Variants in SPI1 observed in about 807,000 individuals in gnomAD.
SPI1 encodes the protein transcription factor PU.1.
Under a neutral mutation model 30.7 loss-of-function variants are expected in SPI1, and 3 were observed. That is an observed-to-expected ratio of 0.10 (90% CI 0.04 to 0.25). SPI1 has a LOEUF of 0.25. Among genes scored for constraint, SPI1 ranks in the 10% least tolerant of loss-of-function variants. The pLI, the probability that SPI1 is intolerant of heterozygous loss-of-function variation, is 1.00. For missense variants in SPI1, 261 were observed against 371.5 expected (o/e 0.70, Z 2.45); for synonymous variants, 169 against 157.1 (o/e 1.08, Z -0.56).
At chr11:47,368,591 T>G (rs2095931639) in intron 2 of SPI1, among the ~76,000 whole-genome samples, 1 of 152,054 alleles carries the variant, frequency 6.6e-6, no homozygotes. Flanking sequence ...ACCTTAAAGA[T>G]GAAGGAAATG....
At position 47,357,040 on chromosome 11, in the gene SPI1, CTT is replaced by C. The variant is rs537514339; in HGVS notation, c.494-1496_494-1495del. 6.5e-4 allele frequency among the ~76,000 whole-genome samples: 98 copies of C among 151,746 alleles called. No homozygotes were observed. In the Middle Eastern group the frequency reaches 0.024, roughly 37 times the overall value. ...CACCTCACACCAAGTCTCACACACA[CTT>C]ATGCTTACAAACTCATGCTCACACA... On this transcript the variant is annotated intron_variant, in intron 4 of 4. Coordinates refer to ENST00000378538, the MANE Select transcript of SPI1 (RefSeq NM_003120.3).
Position 47,375,524 on chromosome 11 carries a change from T to A in SPI1, c.142+109A>T. On this transcript the variant is annotated intron_variant, in intron 2 of 4. Coordinates refer to ENST00000378538, the MANE Select transcript of SPI1 (RefSeq NM_003120.3). This position sits in a 1 kb window ranked among gnomAD's most constrained non-coding sequence, Gnocchi z 4.2. ...CCTTTGAGAGCAAACTTGATCTGATTCTCAGAATTCCAAAGAAGTCCTGGG... is the reference window on the plus strand; with the variant it reads ...CCTTTGAGAGCAAACTTGATCTGATACTCAGAATTCCAAAGAAGTCCTGGG... 1 of 894,534 alleles carries A rather than the reference T, an allele frequency of 1.1e-6. No individual in the cohort carries two copies. Among genetic ancestry groups the A allele is most frequent in the South Asian group, 1.4e-5 (1 of 69,482 alleles). 55.4% of individuals were successfully genotyped at this position (894,534 alleles called of 1,614,324 possible).
chr11:47,355,807 A>G (rs1268636667), intron 4 of SPI1, among the ~76,000 whole-genome samples: 1 of 145,148 alleles, frequency 6.9e-6, no homozygotes, highest in African/African-American at 2.6e-5. Flanking sequence ...GCACCCACAC[A>G]GTGCACCAAG....
chr11:47,354,968 C>G lies in SPI1; in HGVS notation c.*259G>C. The G allele has an allele frequency of 3.1e-6, 1 of 323,630 alleles. No individual in the cohort carries two copies. Among genetic ancestry groups the G allele is most frequent in the Non-Finnish European group, 5.6e-6 (1 of 178,436 alleles). 20.0% of individuals were successfully genotyped at this position (323,630 alleles called of 1,614,324 possible). On this transcript the variant is annotated 3_prime_UTR_variant, in exon 5 of 5. Transcript: ENST00000378538. Reference sequence around the variant, plus strand: ...ACTTGAGACTCCCAAGGCAGTACCCCGGGTCGTCCTCTGCAAGGTTGCCCC... The same window carrying G: ...ACTTGAGACTCCCAAGGCAGTACCCGGGGTCGTCCTCTGCAAGGTTGCCCC...
At position 47,354,870 on chromosome 11, in the gene SPI1, A is replaced by C; in HGVS notation, c.*357T>G. The C allele has an allele frequency of 5.0e-6, 1 of 198,692 alleles. No individual in the cohort carries two copies. Among genetic ancestry groups the C allele is most frequent in the Non-Finnish European group, 1.0e-5 (1 of 97,922 alleles). The allele number at this position is 198,692 out of a possible 1,614,324, so 12.3% of individuals were successfully genotyped here. A position where few individuals can be genotyped will look rare whatever the true frequency, so the allele number is the denominator to read the frequency against. Reference sequence around the variant, plus strand: ...TGTGCTGCAAGAGGATGGATTGAGAATAACTTTACTTGTTTTTTGGGAGGA... The same window carrying C: ...TGTGCTGCAAGAGGATGGATTGAGACTAACTTTACTTGTTTTTTGGGAGGA... On this transcript the variant is annotated 3_prime_UTR_variant, in exon 5 of 5. Transcript: ENST00000378538.
chr11:47,364,285 C>T (rs1309449161), intron 2 of SPI1, among the ~76,000 whole-genome samples: 3 of 151,970 alleles, frequency 2.0e-5, no homozygotes, highest in South Asian at 2.1e-4. Context: ...CTCCTGACCT[C>T]GTGATCCACC....
intron 2 of SPI1, among the ~76,000 whole-genome samples, chr11:47,367,107 C>CTA (rs2095929388): frequency 6.6e-6 from 1 of 151,860 alleles, no homozygotes; most frequent in Admixed American, 6.6e-5. Context: ...GGAAAGGTGG[C>CTA]TAAGTGGATG....
rs977404572 is a variant in SPI1 at position 47,375,506 on chromosome 11, G to A, written c.142+127C>T. ...TGATGCTGCAGTTCACTGCCTTTGAGAGCAAACTTGATCTGATTCTCAGAA... is the reference window on the plus strand; with the variant it reads ...TGATGCTGCAGTTCACTGCCTTTGAAAGCAAACTTGATCTGATTCTCAGAA... On this transcript the variant is annotated intron_variant, in intron 2 of 4. Coordinates refer to ENST00000378538, the MANE Select transcript of SPI1 (RefSeq NM_003120.3). This position sits in a 1 kb window ranked among gnomAD's most constrained non-coding sequence, Gnocchi z 4.2. The A allele has an allele frequency of 1.3e-6, 1 of 773,468 alleles. No individual in the cohort carries two copies. Among genetic ancestry groups the A allele is most frequent in the African/African-American group, 1.7e-5 (1 of 58,276 alleles). The allele number at this position is 773,468 out of a possible 1,614,324, so 47.9% of individuals were successfully genotyped here. A position where few individuals can be genotyped will look rare whatever the true frequency, so the allele number is the denominator to read the frequency against.
chr11:47,366,682 G>A (rs548471247), intron 2 of SPI1, among the ~76,000 whole-genome samples: 54 of 152,262 alleles, frequency 3.5e-4, no homozygotes, highest in African/African-American at 1.2e-3. Context: ...TTAGCTGGGC[G>A]TGGTGGCAGG....
Position 47,358,948 on chromosome 11 carries a change from C to T in SPI1, c.389G>A (p.Ser130Asn), listed in dbSNP as rs373741612. Residue 130 changes from serine (S) to asparagine (N), a missense_variant, in exon 4 of 5, where the codon AGC becomes AAC. Ser to Asn is a conservative substitution (Grantham distance 46). Coordinates refer to ENST00000378538, the MANE Select transcript of SPI1 (RefSeq NM_003120.3). ...QYPSLSPAQP[S>N]SDEEEGERQS... Reference sequence around the variant, plus strand: ...CCGCTCGCCCTCCTCCTCATCTGAGCTGGGCTGGGCTGGGGACAGGGATGG... The same window carrying T: ...CCGCTCGCCCTCCTCCTCATCTGAGTTGGGCTGGGCTGGGGACAGGGATGG... The T allele has an allele frequency of 7.1e-6, 11 of 1,559,012 alleles. No individual in the cohort carries two copies. Among genetic ancestry groups the T allele is most frequent in the Non-Finnish European group, 1.7e-6 (2 of 1,152,580 alleles).
At chr11:47,370,925 T>C (rs1265883654) in intron 2 of SPI1, among the ~76,000 whole-genome samples, 1 of 152,138 alleles carries the variant, frequency 6.6e-6, no homozygotes, top group East Asian at 1.9e-4. Flanking sequence ...GAATTCTGAT[T>C]GTACAAGTAA....
At chr11:47,377,709 C>T (rs1545520) in intron 1 of SPI1, among the ~76,000 whole-genome samples, 68 of 152,202 alleles carry the variant, frequency 4.5e-4, no homozygotes, top group Non-Finnish European at 7.9e-4. Flanking sequence ...ACTGCACTGT[C>T]TCAGCTCCAC....
At chr11:47,356,242 C>A (rs146732906) in intron 4 of SPI1, among the ~76,000 whole-genome samples, 11 of 151,012 alleles carry the variant, frequency 7.3e-5, no homozygotes, top group African/African-American at 2.4e-4. Context: ...CACTAACATG[C>A]CCCCACACAC....
chr11:47,358,528 A>G, intron 4 of SPI1: 1 of 680,174 alleles, frequency 1.5e-6, no homozygotes, highest in South Asian at 1.5e-5. Context: ...ACTCGCACAC[A>G]TGCACCTGCC....
chr11:47,358,270 T>A, intron 4 of SPI1: 1 of 452,840 alleles, frequency 2.2e-6, no homozygotes, highest in Non-Finnish European at 4.1e-6. Context: ...ACACACCTGC[T>A]GTCACACCCC....
intron 4 of SPI1, among the ~76,000 whole-genome samples, chr11:47,357,884 TCA>T (rs1181393409): frequency 2.6e-5 from 4 of 151,792 alleles, no homozygotes; most frequent in African/African-American, 9.7e-5. Context: ...CCATTCATGC[TCA>T]CACACTCATT....
chr11:47,360,221 C>T (rs1247546631), intron 2 of SPI1, among the ~76,000 whole-genome samples, 181 bp from the exon 3 acceptor site: 4 of 152,134 alleles, frequency 2.6e-5, no homozygotes, highest in Admixed American at 6.5e-5. Flanking sequence ...AGGCTTCGAG[C>T]GGCTACATAG....
chr11:47,378,006 C>G (rs2095944531), intron 1 of SPI1, among the ~76,000 whole-genome samples: 1 of 152,254 alleles, frequency 6.6e-6, no homozygotes, highest in South Asian at 2.1e-4. Flanking sequence ...TCACCATCCT[C>G]AGCCCAGCAC....
rs1325897682 is a variant in SPI1, at chr11:47,358,957, G to T, written c.380C>A (p.Ala127Asp). 44 of 1,558,716 alleles carry T rather than the reference G, an allele frequency of 2.8e-5. No individual in the cohort carries two copies. The highest frequency in any genetic ancestry group is 3.6e-5 in the Non-Finnish European group (42 of 1,152,288). ...CTCCTCCTCATCTGAGCTGGGCTGG[G>T]CTGGGGACAGGGATGGGTACTGGAG... ...MCLQYPSLSP[A>D]QPSSDEEEGE... is the part of the protein sequence containing the mutation. The change falls in exon 4 of 5, where the codon GCC becomes GAC. Residue 127 changes from alanine (A) to aspartate (D), a missense_variant. Transcript: ENST00000378538.
Sources: allele counts gnomAD v4.1 joint callset (sites outside exome capture counted in the v4.1 genomes callset), GRCh38; gene constraint gnomAD v4.1.1; non-coding constraint Gnocchi (gnomAD v3.1); transcripts MANE v1.5; gene names NCBI Gene and HGNC (gene_info 2026-07-23, HGNC 2026-07-21).